The following COTL1 variants were observed in gnomAD, a reference collection of about 807,000 sequenced individuals.
COTL1 encodes the protein coactosin like F-actin binding protein 1.
A neutral mutation model predicts 16.5 loss-of-function variants in COTL1; 15 were observed. The ratio of observed to expected loss-of-function variants is 0.91; its 90% CI spans 0.61 to 1.40. The LOEUF is 1.40. Ranked by LOEUF, COTL1 falls within the 40% of genes most tolerant of loss-of-function variation. COTL1 has a pLI of 0.00. For synonymous variants in COTL1, 112 were observed against 85.3 expected, an observed-to-expected ratio of 1.31 and a Z score of -1.73; for missense variants, 220 against 201.5, an observed-to-expected ratio of 1.09 and a Z score of -0.56.
At position 84,566,719 on chromosome 16, in the gene COTL1, G is replaced by A. The variant is rs545577865; in HGVS notation, c.*126C>T. On this transcript the variant is annotated 3_prime_UTR_variant, in exon 4 of 4. Transcript: ENST00000262428. ...TGGGGGCTGTGGACACAGGGTGGCG[G>A]GCGCTGCCTCTCATGGCTTCTTTTC... 4.7e-6 allele frequency: 3 copies of A among 636,400 alleles called. No homozygotes were observed. Among genetic ancestry groups the A allele is most frequent in the Non-Finnish European group, 2.8e-6 (1 of 357,678 alleles). 39.4% of individuals were successfully genotyped at this position (636,400 alleles called of 1,614,324 possible). A position where few individuals can be genotyped will look rare whatever the true frequency, so the allele number is the denominator to read the frequency against.
At chr16:84,573,033 C>T (rs2082038) in intron 3 of COTL1, among the ~76,000 whole-genome samples, 51,847 of 151,990 alleles carry the variant, frequency 0.34, 9,785 homozygotes, top group Admixed American at 0.51. Context: ...GAATTACAGG[C>T]GTGAGCCACT....
chr16:84,574,885 T>C (rs2914824), intron 3 of COTL1, among the ~76,000 whole-genome samples: 115,896 of 151,840 alleles, frequency 0.76, 44,316 homozygotes, highest in South Asian at 0.9. Flanking sequence ...AAACATCCAT[T>C]GAAACCTGTC....
Position 84,580,150 on chromosome 16 carries a change from G to A in COTL1, c.318+9955C>T, listed in dbSNP as rs996988008. Among the ~76,000 whole-genome samples the A allele has an allele frequency of 2.0e-4, 31 of 152,220 alleles. 1 individual carries two copies. The highest frequency in any genetic ancestry group is 1.8e-3 in the Admixed American group (28 of 15,286). ...GTGGAGGGCAGCCAGGTCACAGCCC[G>A]CTGGGCAGAATTCTTTGCTTATTCA... On this transcript the variant is annotated intron_variant, in intron 3 of 3. Coordinates refer to ENST00000262428, the MANE Select transcript of COTL1 (RefSeq NM_021149.5).
chr16:84,617,664 T>G, intron 1 of COTL1, 81 bp from the exon 2 acceptor site: 2 of 1,442,228 alleles, frequency 1.4e-6, no homozygotes, highest in Non-Finnish European at 1.9e-6. Flanking sequence ...GAGGACAATC[T>G]AACAGACGCG....
At chr16:84,605,974 T>C (rs759872187) in intron 2 of COTL1, among the ~76,000 whole-genome samples, 1 of 152,236 alleles carries the variant, frequency 6.6e-6, no homozygotes, top group Non-Finnish European at 1.5e-5. Context: ...GAAGCTTACC[T>C]AAGTACCTAG....
chr16:84,601,227 T>C (rs1448239767), intron 2 of COTL1, among the ~76,000 whole-genome samples: 2 of 152,212 alleles, frequency 1.3e-5, no homozygotes, highest in Non-Finnish European at 2.9e-5. Context: ...AAACACTTAC[T>C]GACAATCTGT....
At chr16:84,577,185 CT>C (rs1161753615) in intron 3 of COTL1, 4 of 152,200 alleles carry the variant, frequency 2.6e-5, no homozygotes, top group Non-Finnish European at 4.4e-5. Flanking sequence ...TTTAAAAACT[CT>C]ACCAGCAAGG....
chr16:84,604,402 T>C (rs889188542), intron 2 of COTL1, among the ~76,000 whole-genome samples: 4 of 149,230 alleles, frequency 2.7e-5, no homozygotes, highest in African/African-American at 1.0e-4. Flanking sequence ...TTTTTCTTTA[T>C]GCTTTTTCAT....
At chr16:84,577,008 A>G (rs766852501) in intron 3 of COTL1, 3 of 152,308 alleles carry the variant, frequency 2.0e-5, no homozygotes, top group Non-Finnish European at 4.4e-5. Flanking sequence ...AAATACAGCC[A>G]CAGTCCCCAG....
At chr16:84,577,715 CAG>C (rs1904484955) in intron 3 of COTL1, among the ~76,000 whole-genome samples, 1 of 152,172 alleles carries the variant, frequency 6.6e-6, no homozygotes, top group Admixed American at 6.5e-5. Context: ...AAAGCCAAGA[CAG>C]AGGCACACGG....
At position 84,566,779 on chromosome 16, in the gene COTL1, G is replaced by A. The variant is rs71386852; in HGVS notation, c.*66C>T. On this transcript the variant is annotated 3_prime_UTR_variant, in exon 4 of 4. Transcript: ENST00000262428. ...GGCTGGTGGGCTAGTAGCTGAGGCCGGCGGTCCTCTCCCCCGGGGAGCAGG... is the reference window on the plus strand; with the variant it reads ...GGCTGGTGGGCTAGTAGCTGAGGCCAGCGGTCCTCTCCCCCGGGGAGCAGG... 1.3e-3 allele frequency: 1,443 copies of A among 1,111,756 alleles called. 1 individual carries two copies. Among genetic ancestry groups the A allele is most frequent in the Non-Finnish European group, 1.7e-3 (1,242 of 734,166 alleles). The allele number at this position is 1,111,756 out of a possible 1,614,324, so 68.9% of individuals were successfully genotyped here. A position where few individuals can be genotyped will look rare whatever the true frequency, so the allele number is the denominator to read the frequency against.
At chr16:84,571,594 C>G (rs1372193784) in intron 3 of COTL1, among the ~76,000 whole-genome samples, 1 of 152,186 alleles carries the variant, frequency 6.6e-6, no homozygotes, top group African/African-American at 2.4e-5. Flanking sequence ...CTTCCCCGTT[C>G]TTTGAGCCTG....
In COTL1 at chr16:84,618,070, G is replaced by C; in HGVS notation, c.-156C>G. ...CCTGCAAGCTGCGAGCGCGGCGGCG[G>C]CTTCCACTGCGGACGGAGAGCGCGC... is the stretch of plus-strand genomic sequence containing the variant. On this transcript the variant is annotated 5_prime_UTR_variant, in exon 1 of 4. Transcript: ENST00000262428. 4.7e-6 allele frequency: 1 copy of C among 213,922 alleles called. No homozygotes were observed. Among genetic ancestry groups the C allele is most frequent in the Non-Finnish European group, 8.1e-6 (1 of 122,912 alleles). 13.3% of individuals were successfully genotyped at this position (213,922 alleles called of 1,614,324 possible). A position where few individuals can be genotyped will look rare whatever the true frequency, so the allele number is the denominator to read the frequency against.
chr16:84,596,145 C>T (rs1387281861), intron 2 of COTL1: 1 of 152,190 alleles, frequency 6.6e-6, no homozygotes, highest in Non-Finnish European at 1.5e-5. Flanking sequence ...ACTGGGCAAC[C>T]CCAGTGGGGG....
At chr16:84,615,314 C>T (rs550949953) in intron 2 of COTL1, among the ~76,000 whole-genome samples, 52 of 152,388 alleles carry the variant, frequency 3.4e-4, no homozygotes, top group Non-Finnish European at 5.1e-4. Flanking sequence ...CCACTCCCCA[C>T]TCCCATCCCT....
chr16:84,596,309 AC>A (rs1274588391), intron 2 of COTL1: 1 of 152,264 alleles, frequency 6.6e-6, no homozygotes, highest in African/African-American at 2.4e-5. Flanking sequence ...TCCTTTAGAA[AC>A]TTACCCCCAC....
chr16:84,614,492 G>A (rs923566979), intron 2 of COTL1, among the ~76,000 whole-genome samples: 2 of 152,086 alleles, frequency 1.3e-5, no homozygotes, highest in African/African-American at 2.4e-5. Context: ...GGAAAGCCGT[G>A]GGGGAGGAAG....
At chr16:84,612,183 C>T (rs1350976837) in intron 2 of COTL1, among the ~76,000 whole-genome samples, 1 of 152,186 alleles carries the variant, frequency 6.6e-6, no homozygotes, top group Non-Finnish European at 1.5e-5. Context: ...CTTCCTTAAT[C>T]CTCCTAATGA....
At chr16:84,588,404 A>G (rs1040225242) in intron 3 of COTL1, among the ~76,000 whole-genome samples, 1 of 152,202 alleles carries the variant, frequency 6.6e-6, no homozygotes, top group Non-Finnish European at 1.5e-5. Context: ...ACATTGGTAC[A>G]TTACAATTAA....
Sources: allele counts gnomAD v4.1 joint callset (sites outside exome capture counted in the v4.1 genomes callset), GRCh38; gene constraint gnomAD v4.1.1; transcripts MANE v1.5; gene names NCBI Gene and HGNC (gene_info 2026-07-23, HGNC 2026-07-21).